Variants in TSC22D2 observed in about 807,000 individuals in gnomAD.
TSC22D2 encodes TSC22 domain family member 2, also known as TSC22 domain family protein 2.
TSC22D2 carries 5 observed loss-of-function variants against 50.1 expected under a neutral mutation model. That is an observed-to-expected ratio of 0.10 (90% CI 0.05 to 0.21). The LOEUF is 0.21. Among genes scored for constraint, TSC22D2 ranks in the 10% least tolerant of loss-of-function variants. The pLI is 1.00. For missense variants in TSC22D2, 1,003 were observed against 1,015.5 expected (o/e 0.99, Z 0.17); for synonymous variants, 501 against 450.1 (o/e 1.11, Z -1.43).
intron 1 of TSC22D2, among the ~76,000 whole-genome samples, chr3:150,424,888 C>A (rs1254222923): frequency 1.3e-5 from 2 of 152,142 alleles, no homozygotes; most frequent in African/African-American, 4.8e-5. Context: ...TGACTAGTGG[C>A]TTTCTTTTAA....
Position 150,409,940 on chromosome 3 carries a change from G to C in TSC22D2, c.590G>C (p.Arg197Thr), listed in dbSNP as rs754260952. ...GATTCAGACAGCAGCGTCCTGACTA[G>C]ATCCGGGGATTGCATTAGACACAGC... ...ERDSDSSVLTRSGDCIRHSST... is the reference protein window; with the variant it reads ...ERDSDSSVLTTSGDCIRHSST... Residue 197 changes from arginine to threonine, a missense_variant, in exon 1 of 3, where the codon AGA (arginine) becomes ACA (threonine). Around this residue, in one of 6 missense-constraint regions of TSC22D2, gnomAD observed 696 missense variants for 647.8 expected, o/e 1.07. Transcript: ENST00000688009. This position sits in a 1 kb window ranked among gnomAD's most constrained non-coding sequence, Gnocchi z 7.4. 2 of 1,614,036 alleles carry C rather than the reference G, an allele frequency of 1.2e-6. No individual in the cohort carries two copies. The highest frequency in any genetic ancestry group is 1.7e-6 in the Non-Finnish European group (2 of 1,180,036).
chr3:150,416,363 A>G (rs1719802612), intron 1 of TSC22D2, among the ~76,000 whole-genome samples: 1 of 82,648 alleles, frequency 1.2e-5, no homozygotes, highest in Admixed American at 1.1e-4. Flanking sequence ...GATATTCCGT[A>G]AGTAATTCCT....
chr3:150,410,443 C>G lies in TSC22D2; in HGVS notation c.1093C>G (p.Pro365Ala). 6.2e-7 allele frequency: 1 copy of G among 1,609,432 alleles called. No individual in the cohort carries two copies. The highest frequency in any genetic ancestry group is 8.5e-7 in the Non-Finnish European group (1 of 1,178,710). The part of the protein sequence containing the change: ...QQFAYPQPQI[P>A]PGHLLPVQPS... ...GTTCGCGTATCCTCAGCCTCAGATA[C>G]CGCCCGGACATTTGCTGCCCGTCCA... The change falls in exon 1 of 3, where the codon CCG (proline) becomes GCG (alanine). Residue 365 changes from proline to alanine, a missense_variant. Transcript: ENST00000688009.
At chr3:150,424,649 G>A (rs1341601308) in intron 1 of TSC22D2, among the ~76,000 whole-genome samples, 32 of 152,060 alleles carry the variant, frequency 2.1e-4, no homozygotes, top group Admixed American at 2.1e-3. Context: ...AAACTTTTAA[G>A]GTATCAGAAA....
intron 1 of TSC22D2, among the ~76,000 whole-genome samples, chr3:150,413,369 C>G (rs1355235761): frequency 2.0e-5 from 3 of 152,158 alleles, no homozygotes; most frequent in Admixed American, 1.3e-4. Flanking sequence ...CTCCCTTGCC[C>G]CAATCATTTA....
intron 1 of TSC22D2, among the ~76,000 whole-genome samples, chr3:150,419,764 A>T (rs766600326): frequency 6.6e-6 from 1 of 152,176 alleles, no homozygotes; most frequent in African/African-American, 2.4e-5. Flanking sequence ...TATTGAGTAT[A>T]TAAAGTCAGA....
At chr3:150,436,254 G>A (rs965222890) in intron 1 of TSC22D2, among the ~76,000 whole-genome samples, 4 of 151,644 alleles carry the variant, frequency 2.6e-5, no homozygotes, top group Admixed American at 6.6e-5. Flanking sequence ...TGTAAGTTTC[G>A]TAGTAAAATA....
rs1329945739 is a variant in TSC22D2 at position 150,408,613 on chromosome 3, G to A, written c.-738G>A. The A allele has an allele frequency of 5.9e-5, 9 of 152,452 alleles. No homozygotes were observed. Among genetic ancestry groups the A allele is most frequent in the African/African-American group, 1.9e-4 (8 of 41,408 alleles). The allele number at this position is 152,452 out of a possible 1,614,324, so 9.4% of individuals were successfully genotyped here. On this transcript the variant is annotated 5_prime_UTR_variant, in exon 1 of 3. Coordinates refer to ENST00000688009, the MANE Select transcript of TSC22D2 (RefSeq NM_001303264.2). ...GCAGGGGTGGTTCCCCCTGTAAGGG[G>A]AGGACCGAGCCGGCTTTCCCCTCCC...
In TSC22D2 at chr3:150,465,311, T is replaced by TATAA. The variant is rs2108115292; in HGVS notation, c.*6677_*6680dup. ...TAAGCAAAGAACTTTACAAATAGGT[T>TATAA]ATAAAGAGAAGCTCAATCTCAGCAA... is the stretch of plus-strand genomic sequence containing the variant. On this transcript the variant is annotated 3_prime_UTR_variant, in exon 3 of 3. Transcript: ENST00000688009. 1 of 152,268 alleles carries TATAA rather than the reference T, an allele frequency of 6.6e-6. No individual in the cohort carries two copies. The highest frequency in any genetic ancestry group is 1.9e-4 in the East Asian group (1 of 5,182). 9.4% of individuals were successfully genotyped at this position (152,268 alleles called of 1,614,324 possible). A position where few individuals can be genotyped will look rare whatever the true frequency, so the allele number is the denominator to read the frequency against.
At chr3:150,457,735 A>G (rs1387342862) in intron 2 of TSC22D2, among the ~76,000 whole-genome samples, 1 of 152,204 alleles carries the variant, frequency 6.6e-6, no homozygotes, top group Non-Finnish European at 1.5e-5. Flanking sequence ...TCCCAGGTTC[A>G]AGTGATTCTC....
At chr3:150,454,579 C>T (rs1721132044) in intron 1 of TSC22D2, among the ~76,000 whole-genome samples, 1 of 152,156 alleles carries the variant, frequency 6.6e-6, no homozygotes, top group African/African-American at 2.4e-5. Context: ...GAATCAGAAA[C>T]TCTGAGTGGG....
rs1721436482 is a variant in TSC22D2, at chr3:150,462,201, G to C, written c.*3565G>C. ...GAAGGTCATAAGAGCCAGAGGGAAG[G>C]GTGTTCCAAGCACAAGAAAAGAGAA... is the stretch of plus-strand genomic sequence containing the variant. On this transcript the variant is annotated 3_prime_UTR_variant, in exon 3 of 3. Transcript: ENST00000688009. The C allele has an allele frequency of 6.6e-6, 1 of 152,102 alleles. No homozygotes were observed. The highest frequency in any genetic ancestry group is 1.5e-5 in the Non-Finnish European group (1 of 68,036). 9.4% of individuals were successfully genotyped at this position (152,102 alleles called of 1,614,324 possible). A position where few individuals can be genotyped will look rare whatever the true frequency, so the allele number is the denominator to read the frequency against.
intron 1 of TSC22D2, among the ~76,000 whole-genome samples, chr3:150,452,999 C>A (rs7429991): frequency 6.6e-6 from 1 of 152,162 alleles, no homozygotes; most frequent in African/African-American, 2.4e-5. Flanking sequence ...ATTCTGAACT[C>A]ATTTTTCCCT....
At position 150,416,328 on chromosome 3, in the gene TSC22D2, C is replaced by T. The variant is rs115321089; in HGVS notation, c.1958+5020C>T. ...AAGGAGAGGCCTTACAAAAGCAGGT[C>T]TGTCTGGTTAAACATAGCCTGAATG... On this transcript the variant is annotated intron_variant, in intron 1 of 2. Coordinates refer to ENST00000688009, the MANE Select transcript of TSC22D2 (RefSeq NM_001303264.2). 2.2e-3 allele frequency among the ~76,000 whole-genome samples: 339 copies of T among 152,248 alleles called. 1 individual carries two copies. The highest frequency in any genetic ancestry group is 7.9e-3 in the African/African-American group (328 of 41,542).
At chr3:150,438,155 G>A (rs1223189035) in intron 1 of TSC22D2, 1 of 339,970 alleles carries the variant, frequency 2.9e-6, no homozygotes, top group Admixed American at 2.7e-5. Context: ...GATTTTTAAA[G>A]GCTATTTGAT....
Position 150,458,702 on chromosome 3 carries a change from T to C in TSC22D2, c.*66T>C, listed in dbSNP as rs576007239. ...CTATCCTTGTGTGCCACTGGTGTTCTTTCCACTTTATACGAAAGCAAGTAG... is the reference window on the plus strand; with the variant it reads ...CTATCCTTGTGTGCCACTGGTGTTCCTTCCACTTTATACGAAAGCAAGTAG... On this transcript the variant is annotated 3_prime_UTR_variant, in exon 3 of 3. Transcript: ENST00000688009. 5.1e-6 allele frequency: 8 copies of C among 1,580,190 alleles called. No homozygotes were observed. In the African/African-American group the frequency reaches 1.1e-4, roughly 21 times the overall value.
chr3:150,411,079 C>T lies in TSC22D2; in HGVS notation c.1729C>T (p.Leu577=), dbSNP rs1204059195. Residue 577 remains leucine (L), a synonymous_variant, in exon 1 of 3, where the codon CTA becomes TTA. Coordinates refer to ENST00000688009, the MANE Select transcript of TSC22D2 (RefSeq NM_001303264.2). ...ACCAACAAGTCTACCACAGTCTGAC[C>T]TAAGCCAGTTTCAAACTCAGACCCA... ...SAPTSLPQSD[L]SQFQTQTQPL... is the part of the protein sequence containing the mutation. 2 of 1,614,072 alleles carry T rather than the reference C, an allele frequency of 1.2e-6. No individual in the cohort carries two copies. Among genetic ancestry groups the T allele is most frequent in the East Asian group, 2.2e-5 (1 of 44,898 alleles).
At chr3:150,434,476 G>A (rs1045607593) in intron 1 of TSC22D2, among the ~76,000 whole-genome samples, 3 of 152,126 alleles carry the variant, frequency 2.0e-5, no homozygotes, top group Admixed American at 6.6e-5. Flanking sequence ...AAAGCATGCA[G>A]TTCCTTATTA....
At chr3:150,419,892 C>A (rs1217240888) in intron 1 of TSC22D2, among the ~76,000 whole-genome samples, 1 of 152,136 alleles carries the variant, frequency 6.6e-6, no homozygotes, top group Non-Finnish European at 1.5e-5. Flanking sequence ...CCTAGAATTG[C>A]TTCGTTGGCT....
Sources: gnomAD v4.1 joint callset for allele counts (sites outside exome capture counted in the v4.1 genomes callset) on GRCh38, gnomAD v4.1.1 for gene constraint, gnomAD v4.1.1 regional missense constraint, Gnocchi (gnomAD v3.1) non-coding constraint, MANE v1.5 for transcripts, NCBI Gene and HGNC (gene_info 2026-07-23, HGNC 2026-07-21) for gene names.